Variants in CDH12 observed in about 807,000 individuals in gnomAD.
The protein encoded by CDH12 is cadherin 12, also known as cadherin-12.
In CDH12, 41 loss-of-function variants were observed where a neutral mutation model predicts 74.1. The observed-to-expected ratio is 0.55, with a 90% CI of 0.43 to 0.72. The LOEUF is 0.72. CDH12 is among the 30% of genes least tolerant of loss of function. The pLI, the probability that CDH12 is intolerant of heterozygous loss-of-function variation, is 0.00. For synonymous variants in CDH12, 399 were observed against 355.0 expected, an observed-to-expected ratio of 1.12 and a Z score of -1.39; for missense variants, 945 against 977.2, an observed-to-expected ratio of 0.97 and a Z score of 0.44.
At chr5:22,813,253 G>A (rs1749234398) in intron 1 of CDH12, among the ~76,000 whole-genome samples, 1 of 152,194 alleles carries the variant, frequency 6.6e-6, no homozygotes, top group African/African-American at 2.4e-5. Flanking sequence ...AACTAGAGGT[G>A]TAGTATCTTG....
chr5:21,859,706 C>T (rs1459763839), intron 6 of CDH12, among the ~76,000 whole-genome samples: 2 of 151,962 alleles, frequency 1.3e-5, no homozygotes, highest in East Asian at 1.9e-4. Context: ...AACAATGATT[C>T]CATTAAACTG....
intron 3 of CDH12, among the ~76,000 whole-genome samples, chr5:22,290,234 C>T (rs1049673095): frequency 1.3e-5 from 2 of 152,088 alleles, no homozygotes. Flanking sequence ...AGTTAATGAT[C>T]AATCAGGAAA....
At chr5:22,680,298 T>C (rs966734756) in intron 1 of CDH12, among the ~76,000 whole-genome samples, 5 of 152,082 alleles carry the variant, frequency 3.3e-5, no homozygotes, top group Admixed American at 1.3e-4. Context: ...GAAAAAGTAA[T>C]GAATGAAATA....
rs1170268875 is a variant in CDH12 at position 22,202,218 on chromosome 5, A to G, written c.-187+10280T>C. Among the ~76,000 whole-genome samples the G allele has an allele frequency of 2.4e-5, 3 of 123,944 alleles. No homozygotes were observed. In the East Asian group the frequency reaches 6.3e-4, roughly 26 times the overall value. The allele number at this position is 123,944 out of a possible 152,430, so 81.3% of individuals were successfully genotyped here. ...TCCTTCCTTCTTTCAACATATAGTT[A>G]CTACCTCTGTGACAGACACTGATCT... On this transcript the variant is annotated intron_variant, in intron 4 of 14. Coordinates refer to ENST00000382254, the MANE Select transcript of CDH12 (RefSeq NM_004061.5).
intron 1 of CDH12, among the ~76,000 whole-genome samples, chr5:22,672,636 C>T (rs1405059517): frequency 1.3e-5 from 2 of 152,182 alleles, no homozygotes; most frequent in South Asian, 4.2e-4. Context: ...GCAAAATAGA[C>T]TTATTTTCTT....
rs142630830 is a variant in CDH12, at chr5:22,390,655, G to A, written c.-333+14602C>T. On this transcript the variant is annotated intron_variant, in intron 3 of 14. Coordinates refer to ENST00000382254, the MANE Select transcript of CDH12 (RefSeq NM_004061.5). ...ATATTTTTAAAATATATTTTAACTGGTTTAACAAAATCGCATCTCTAGGTT... is the reference window on the plus strand; with the variant it reads ...ATATTTTTAAAATATATTTTAACTGATTTAACAAAATCGCATCTCTAGGTT... Among the ~76,000 whole-genome samples the A allele has an allele frequency of 5.6e-3, 850 of 152,024 alleles. 6 individuals are homozygous for A. Among genetic ancestry groups the A allele is most frequent in the Non-Finnish European group, 6.7e-3 (457 of 67,998 alleles).
At chr5:22,308,929 G>A (rs935540097) in intron 3 of CDH12, among the ~76,000 whole-genome samples, 511 of 31,078 alleles carry the variant, frequency 0.016, 10 homozygotes, top group African/African-American at 0.031. Flanking sequence ...AGGAGAGAGA[G>A]AGAAAGAGAG....
chr5:22,039,261 G>T (rs1739407790), intron 5 of CDH12, among the ~76,000 whole-genome samples: 1 of 152,072 alleles, frequency 6.6e-6, no homozygotes, highest in African/African-American at 2.4e-5. Flanking sequence ...AACCTCCAGA[G>T]TACCTCTTCT....
intron 1 of CDH12, among the ~76,000 whole-genome samples, chr5:22,799,506 T>G: frequency 6.6e-6 from 1 of 152,190 alleles, no homozygotes; most frequent in East Asian, 1.9e-4. Context: ...GATTGGAAAC[T>G]AATACACCAA....
chr5:22,737,210 ATC>A (rs1744773470), intron 1 of CDH12, among the ~76,000 whole-genome samples: 1 of 151,902 alleles, frequency 6.6e-6, no homozygotes, highest in Non-Finnish European at 1.5e-5. Flanking sequence ...TATATCTTTA[ATC>A]TGAATATAGG....
chr5:22,238,523 G>A (rs905610691), intron 3 of CDH12, among the ~76,000 whole-genome samples: 3 of 152,298 alleles, frequency 2.0e-5, no homozygotes, highest in African/African-American at 4.8e-5. Flanking sequence ...TAAAGTTGTG[G>A]AAGACCTTAC....
chr5:22,678,089 C>A (rs1446329592), intron 1 of CDH12, among the ~76,000 whole-genome samples: 1 of 150,708 alleles, frequency 6.6e-6, no homozygotes, highest in Non-Finnish European at 1.5e-5. Flanking sequence ...GGGAAAGATG[C>A]AAAAATAATC....
chr5:22,781,889 G>A (rs1326537793), intron 1 of CDH12, among the ~76,000 whole-genome samples: 1 of 152,132 alleles, frequency 6.6e-6, no homozygotes, highest in Non-Finnish European at 1.5e-5. Flanking sequence ...AGTGTGTCCT[G>A]GGTGTGAGAC....
chr5:22,637,376 C>T (rs1035610498), intron 1 of CDH12, among the ~76,000 whole-genome samples: 1 of 152,188 alleles, frequency 6.6e-6, no homozygotes, highest in African/African-American at 2.4e-5. Context: ...CTATCCACTT[C>T]CCTTTCAGCA....
intron 2 of CDH12, among the ~76,000 whole-genome samples, chr5:22,459,344 T>C (rs1052409453): frequency 5.9e-5 from 9 of 152,280 alleles, no homozygotes; most frequent in African/African-American, 2.2e-4. Flanking sequence ...TTATGTACCA[T>C]CAATTTTATA....
At chr5:22,096,915 C>T (rs1743814671) in intron 4 of CDH12, among the ~76,000 whole-genome samples, 2 of 152,142 alleles carry the variant, frequency 1.3e-5, no homozygotes, top group Non-Finnish European at 2.9e-5. Context: ...CCCTCAAACC[C>T]CACAACAGGA....
intron 4 of CDH12, among the ~76,000 whole-genome samples, chr5:22,117,467 TAA>T (rs1491177002): frequency 1.9e-4 from 12 of 64,608 alleles, no homozygotes; most frequent in East Asian, 1.2e-3. Context: ...ATTATATATA[TAA>T]TATATATATT....
intron 2 of CDH12, among the ~76,000 whole-genome samples, chr5:22,494,620 G>A (rs764844201): frequency 1.2e-4 from 18 of 152,172 alleles, no homozygotes; most frequent in Non-Finnish European, 1.6e-4. Context: ...ATCAAGTAGC[G>A]TATGGTAAAA....
intron 1 of CDH12, among the ~76,000 whole-genome samples, chr5:22,841,359 G>A (rs909013563): frequency 3.4e-4 from 51 of 152,178 alleles, no homozygotes; most frequent in African/African-American, 1.2e-3. Flanking sequence ...TGGAGTTGAT[G>A]TTGACCGACA....
Sources: allele counts gnomAD v4.1 joint callset (sites outside exome capture counted in the v4.1 genomes callset), GRCh38; gene constraint gnomAD v4.1.1; transcripts MANE v1.5; gene names NCBI Gene and HGNC (gene_info 2026-07-23, HGNC 2026-07-21).